Variants in LIN54 observed in about 807,000 individuals in gnomAD.
LIN54 encodes the protein protein lin-54 homolog.
A neutral mutation model predicts 78.7 loss-of-function variants in LIN54; 9 were observed. The ratio of observed to expected loss-of-function variants is 0.11; its 90% CI spans 0.07 to 0.20. The LOEUF (loss-of-function observed/expected upper bound fraction) is 0.20. Ranked by LOEUF, LIN54 falls within the 10% of genes least tolerant of loss-of-function variation. The probability of loss-of-function intolerance (pLI) is 1.00; values close to 1 mark genes in which losing one functional copy is unlikely to be tolerated. For missense variants in LIN54, 573 were observed against 889.9 expected (o/e 0.64, Z 4.53); for synonymous variants, 269 against 318.4 (o/e 0.84, Z 1.65).
At chr4:82,974,125 G>C (rs1350188737) in intron 3 of LIN54, among the ~76,000 whole-genome samples, 3 of 151,558 alleles carry the variant, frequency 2.0e-5, no homozygotes, top group Admixed American at 2.0e-4. Flanking sequence ...CAAGAGAATG[G>C]CGTGAACCCA....
In LIN54 at chr4:82,942,856, GCGCGCA is replaced by G. The variant is rs1284526784; in HGVS notation, c.1169-2900_1169-2895del. On this transcript the variant is annotated intron_variant, in intron 5 of 12. Transcript: ENST00000340417. The stretch of plus-strand genomic sequence containing the variant: ...CACATGCACAAATGTGTGCGTGTGC[GCGCGCA>G]CACACACACACACACACACACACAC... Among the ~76,000 whole-genome samples the G allele has an allele frequency of 3.0e-3, 443 of 147,472 alleles. 4 individuals are homozygous for G. The highest frequency in any genetic ancestry group is 0.01 in the African/African-American group (414 of 40,416).
intron 5 of LIN54, among the ~76,000 whole-genome samples, chr4:82,941,884 T>A (rs1722927872): frequency 6.6e-6 from 1 of 152,200 alleles, no homozygotes; most frequent in Non-Finnish European, 1.5e-5. Flanking sequence ...AATACTGGGA[T>A]GAAATTCAGG....
At chr4:82,980,652 C>G (rs898540150) in intron 2 of LIN54, among the ~76,000 whole-genome samples, 6 of 151,988 alleles carry the variant, frequency 3.9e-5, no homozygotes, top group Non-Finnish European at 7.4e-5. Flanking sequence ...TAATTATACT[C>G]TAGAAAGCTA....
In LIN54 at chr4:82,932,091, A is replaced by G. The variant is rs956893704; in HGVS notation, c.1846-946T>C. Among the ~76,000 whole-genome samples the G allele has an allele frequency of 1.6e-4, 22 of 138,650 alleles. No homozygotes were observed. The East Asian group carries it at 6.5e-3, about 41-fold the overall frequency. The allele number at this position is 138,650 out of a possible 152,430, so 91.0% of individuals were successfully genotyped here. On this transcript the variant is annotated intron_variant, in intron 11 of 12. Transcript: ENST00000340417. ...ACTGGTTAACAGGTCTGTGTATTTTAATTTTTTTTTTTTTTTTTTTTGAGA... is the reference window on the plus strand; with the variant it reads ...ACTGGTTAACAGGTCTGTGTATTTTGATTTTTTTTTTTTTTTTTTTTGAGA...
intron 7 of LIN54, among the ~76,000 whole-genome samples, chr4:82,938,936 C>A (rs1016142850): frequency 6.6e-6 from 1 of 152,178 alleles, no homozygotes; most frequent in African/African-American, 2.4e-5. Flanking sequence ...CTATTTTACA[C>A]CAACTTCTAA....
intron 5 of LIN54, among the ~76,000 whole-genome samples, chr4:82,942,541 C>CTAAT (rs1722988995): frequency 6.6e-6 from 1 of 152,112 alleles, no homozygotes; most frequent in South Asian, 2.1e-4. Context: ...TTATACTGAA[C>CTAAT]CATTAGCAAG....
Position 82,927,403 on chromosome 4 carries a change from T to C in LIN54, c.*699A>G, listed in dbSNP as rs1448668682. ...TACATACCACCTCTTTGAAAGAAAATGGAGACAGCCCAGAGCATCTGTTAG... is the reference window on the plus strand; with the variant it reads ...TACATACCACCTCTTTGAAAGAAAACGGAGACAGCCCAGAGCATCTGTTAG... On this transcript the variant is annotated 3_prime_UTR_variant, in exon 13 of 13. Transcript: ENST00000340417. The C allele has an allele frequency of 1.3e-5, 2 of 152,184 alleles. No individual in the cohort carries two copies. The highest frequency in any genetic ancestry group is 4.8e-5 in the African/African-American group (2 of 41,448). The allele number at this position is 152,184 out of a possible 1,614,324, so 9.4% of individuals were successfully genotyped here. A position where few individuals can be genotyped will look rare whatever the true frequency, so the allele number is the denominator to read the frequency against.
rs1371826175 is a variant in LIN54, at chr4:82,946,341, C to T, written c.1085G>A (p.Arg362Gln). Residue 362 changes from arginine to glutamine, a missense_variant, in exon 5 of 13, where the codon CGA becomes CAA. Around this residue, in one of 6 missense-constraint regions of LIN54, gnomAD observed 199 missense variants for 260.9 expected, o/e 0.76. Transcript: ENST00000340417. Reference protein sequence around the residue: ...QVPGSKFHYVRLVTATSASSS... With the variant: ...QVPGSKFHYVQLVTATSASSS... ...ACTGGCTGATGTGGCAGTAACAAGT[C>T]GGACATAATGAAACTTGCTTCCAGG... The T allele has an allele frequency of 3.7e-6, 6 of 1,614,182 alleles. No homozygotes were observed. The highest frequency in any genetic ancestry group is 5.1e-6 in the Non-Finnish European group (6 of 1,180,020).
intron 4 of LIN54, among the ~76,000 whole-genome samples, chr4:82,958,132 G>T (rs922745293): frequency 6.6e-6 from 1 of 152,158 alleles, no homozygotes; most frequent in Non-Finnish European, 1.5e-5. Flanking sequence ...TGATAATTAC[G>T]AAATGGAAGA....
At chr4:82,963,271 A>T (rs1366350518) in intron 4 of LIN54, among the ~76,000 whole-genome samples, 1 of 152,202 alleles carries the variant, frequency 6.6e-6, no homozygotes, top group Non-Finnish European at 1.5e-5. Flanking sequence ...TAATGGCAAG[A>T]TACAAATTTT....
intron 4 of LIN54, among the ~76,000 whole-genome samples, chr4:82,961,509 T>C (rs1240140900): frequency 6.6e-6 from 1 of 152,150 alleles, no homozygotes; most frequent in Non-Finnish European, 1.5e-5. Flanking sequence ...GAAAGATTTG[T>C]TGCAAAAATA....
chr4:82,981,927 G>C (rs1195822643), intron 2 of LIN54, among the ~76,000 whole-genome samples: 1 of 152,118 alleles, frequency 6.6e-6, no homozygotes, highest in African/African-American at 2.4e-5. Flanking sequence ...CCAGCTACTT[G>C]GGAGGCTGAC....
At chr4:83,000,229 TC>T (rs970292669) in intron 1 of LIN54, among the ~76,000 whole-genome samples, 2 of 152,124 alleles carry the variant, frequency 1.3e-5, no homozygotes, top group African/African-American at 4.8e-5. Context: ...AGTGCCTTAT[TC>T]TGGAAAAGAA....
intron 1 of LIN54, among the ~76,000 whole-genome samples, chr4:82,995,489 C>CTTTTTTTTTT (rs749880882): frequency 3.9e-5 from 3 of 76,346 alleles, no homozygotes; most frequent in Admixed American, 1.9e-4. Context: ...ATCCTTATCT[C>CTTTTTTTTTT]TTTTTTTTTT....
intron 4 of LIN54, among the ~76,000 whole-genome samples, chr4:82,954,872 T>A (rs1305849986): frequency 2.0e-5 from 3 of 152,144 alleles, no homozygotes; most frequent in Non-Finnish European, 4.4e-5. Flanking sequence ...CTCACAGACC[T>A]AAACATAAAG....
In LIN54 at chr4:82,926,455, T is replaced by C. The variant is rs1187117515; in HGVS notation, c.*1647A>G. 6.6e-6 allele frequency: 1 copy of C among 152,632 alleles called. No individual in the cohort carries two copies. Among genetic ancestry groups the C allele is most frequent in the Non-Finnish European group, 1.5e-5 (1 of 68,026 alleles). 9.5% of individuals were successfully genotyped at this position (152,632 alleles called of 1,614,324 possible). On this transcript the variant is annotated 3_prime_UTR_variant, in exon 13 of 13. Coordinates refer to ENST00000340417, the MANE Select transcript of LIN54 (RefSeq NM_194282.4). ...CCTCTTTTGGATTACTTAATTTCTATTGCCTATATCTTGCATGTTCATATG... is the reference window on the plus strand; with the variant it reads ...CCTCTTTTGGATTACTTAATTTCTACTGCCTATATCTTGCATGTTCATATG...
chr4:82,981,689 G>GC (rs1553955509), intron 2 of LIN54, among the ~76,000 whole-genome samples: 1 of 151,678 alleles, frequency 6.6e-6, no homozygotes, highest in Admixed American at 6.6e-5. Flanking sequence ...CCTTTTTATT[G>GC]TTTTTTTTAA....
In LIN54 at chr4:82,926,588, C is replaced by T. The variant is rs2126022060; in HGVS notation, c.*1514G>A. On this transcript the variant is annotated 3_prime_UTR_variant, in exon 13 of 13. Transcript: ENST00000340417. The stretch of plus-strand genomic sequence containing the variant: ...GGTACCTAACAAAATGCCTGAATTC[C>T]AACATGGTTTTTTCTTGTCATAAAA... 1 of 152,230 alleles carries T rather than the reference C, an allele frequency of 6.6e-6. No individual in the cohort carries two copies. The highest frequency in any genetic ancestry group is 6.5e-5 in the Admixed American group (1 of 15,286). The allele number at this position is 152,230 out of a possible 1,614,324, so 9.4% of individuals were successfully genotyped here.
intron 2 of LIN54, among the ~76,000 whole-genome samples, chr4:82,983,309 C>T (rs756828757): frequency 2.0e-4 from 30 of 151,952 alleles, no homozygotes; most frequent in Non-Finnish European, 3.7e-4. Flanking sequence ...CACCACGCCC[C>T]GCCGATCACT....
Sources: allele counts gnomAD v4.1 joint callset (sites outside exome capture counted in the v4.1 genomes callset), GRCh38; gene constraint gnomAD v4.1.1; regional missense constraint gnomAD v4.1.1; transcripts MANE v1.5; gene names NCBI Gene and HGNC (gene_info 2026-07-23, HGNC 2026-07-21).